Variants in WIPF1 observed in about 807,000 individuals in gnomAD.
WIPF1 encodes the protein WAS/WASL interacting protein family member 1.
WIPF1 carries 13 observed loss-of-function variants against 35.4 expected under a neutral mutation model. The ratio of observed to expected loss-of-function variants is 0.37; its 90% CI spans 0.24 to 0.58. WIPF1 has a LOEUF of 0.58. Ranked by LOEUF, WIPF1 falls within the 20% of genes least tolerant of loss-of-function variation. WIPF1 has a pLI of 0.74. For synonymous variants in WIPF1, 267 were observed against 266.3 expected (o/e 1.00, Z -0.02); for missense variants, 591 against 667.0 (o/e 0.89, Z 1.25).
chr2:174,682,822 T>C (rs919859697), exon 1 of WIPF1: 4 of 151,686 alleles, frequency 2.6e-5, no homozygotes, highest in African/African-American at 7.2e-5. Flanking sequence ...CGCTGGGCAT[T>C]TTTTCTGGGA....
intron 3 of WIPF1, among the ~76,000 whole-genome samples, chr2:174,577,304 C>T (rs897820824): frequency 2.1e-4 from 32 of 152,164 alleles, no homozygotes; most frequent in African/African-American, 6.5e-4. Flanking sequence ...AAAGCCTCCT[C>T]TTCTCTAAGA....
At chr2:174,634,867 C>T (rs564702531) in intron 1 of WIPF1, among the ~76,000 whole-genome samples, 312 of 152,272 alleles carry the variant, frequency 2.0e-3, no homozygotes, top group African/African-American at 7.3e-3. Flanking sequence ...GCCCCAGGGT[C>T]ACCTATCTTG....
intron 1 of WIPF1, among the ~76,000 whole-genome samples, chr2:174,657,557 T>A (rs773588032): frequency 2.0e-5 from 3 of 151,964 alleles, no homozygotes; most frequent in Non-Finnish European, 4.4e-5. Flanking sequence ...AAACTGAACA[T>A]GAACTCCTTT....
intron 1 of WIPF1, among the ~76,000 whole-genome samples, chr2:174,593,668 T>C (rs1207861273): frequency 6.6e-6 from 1 of 152,234 alleles, no homozygotes; most frequent in Non-Finnish European, 1.5e-5. Context: ...GGAAAATTGA[T>C]GCTCGCAGTA....
At chr2:174,660,154 T>C (rs1687727069) in intron 1 of WIPF1, among the ~76,000 whole-genome samples, 1 of 152,192 alleles carries the variant, frequency 6.6e-6, no homozygotes, top group Admixed American at 6.5e-5. Flanking sequence ...TTAGTAAAAT[T>C]AGGCCATTCT....
intron 1 of WIPF1, among the ~76,000 whole-genome samples, chr2:174,666,277 C>T (rs1242195862): frequency 6.6e-6 from 1 of 152,202 alleles, no homozygotes. Context: ...AACAAACAAA[C>T]AAAAATTTAA....
At chr2:174,587,713 TAGACTC>T (rs1685469954) in intron 1 of WIPF1, 1 of 152,254 alleles carries the variant, frequency 6.6e-6, no homozygotes, top group African/African-American at 2.4e-5. Flanking sequence ...GCTCATTTGA[TAGACTC>T]AGAGAAATTA....
At chr2:174,600,025 G>A (rs183637221), upstream of WIPF1, among the ~76,000 whole-genome samples, 1 of 152,302 alleles carries the variant, frequency 6.6e-6, no homozygotes, top group African/African-American at 2.4e-5. Context: ...TAAGGAGCTC[G>A]CATGCACAGT....
chr2:174,654,230 C>T (rs1316970750), intron 1 of WIPF1, among the ~76,000 whole-genome samples: 1 of 152,112 alleles, frequency 6.6e-6, no homozygotes, highest in African/African-American at 2.4e-5. Flanking sequence ...GCTCTCTCTC[C>T]ATTCTCTGAG....
chr2:174,643,972 G>C (rs1227064359), intron 1 of WIPF1, among the ~76,000 whole-genome samples: 1 of 152,064 alleles, frequency 6.6e-6, no homozygotes, highest in East Asian at 1.9e-4. Context: ...ATGGTATATA[G>C]CTAGATTATC....
chr2:174,627,747 CG>C (rs1686893545), intron 1 of WIPF1, among the ~76,000 whole-genome samples: 2 of 151,866 alleles, frequency 1.3e-5, no homozygotes, highest in African/African-American at 4.8e-5. Flanking sequence ...GGTCTTCCTA[CG>C]TTGCCCAGGC....
chr2:174,634,607 T>C (rs1037276200), intron 1 of WIPF1: 12 of 152,244 alleles, frequency 7.9e-5, no homozygotes, highest in Non-Finnish European at 1.5e-4. Flanking sequence ...GCATGTGACA[T>C]TATACTTCCT....
chr2:174,682,401 G>A (rs1004550299), intron 1 of WIPF1, among the ~76,000 whole-genome samples: 5 of 152,162 alleles, frequency 3.3e-5, no homozygotes, highest in African/African-American at 1.2e-4. Context: ...GCATCGCCGC[G>A]AAGCCCCTGC....
At chr2:174,610,756 G>A (rs376460347) in intron 1 of WIPF1, among the ~76,000 whole-genome samples, 1 of 152,068 alleles carries the variant, frequency 6.6e-6, no homozygotes, top group South Asian at 2.1e-4. Flanking sequence ...AGAATAGCCC[G>A]ACATAACCTC....
chr2:174,634,245 G>C (rs1271836106), intron 1 of WIPF1, among the ~76,000 whole-genome samples: 1 of 152,200 alleles, frequency 6.6e-6, no homozygotes, highest in Non-Finnish European at 1.5e-5. Context: ...CACGAAATAA[G>C]TTATTTAAAG....
intron 1 of WIPF1, among the ~76,000 whole-genome samples, chr2:174,609,017 C>A (rs983407892): frequency 2.6e-5 from 4 of 151,946 alleles, no homozygotes; most frequent in African/African-American, 9.7e-5. Context: ...CCCTAGGGGC[C>A]CTCTGACTGC....
chr2:174,566,883 T>C (rs962967905), intron 7 of WIPF1, 187 bp downstream of exon 7: 5 of 548,500 alleles, frequency 9.1e-6, no homozygotes, highest in South Asian at 8.3e-5. Flanking sequence ...AATAACTGTT[T>C]CTCATATGCA....
chr2:174,605,775 A>C (rs1343996813), intron 1 of WIPF1, among the ~76,000 whole-genome samples: 1 of 152,160 alleles, frequency 6.6e-6, no homozygotes, highest in East Asian at 1.9e-4. Context: ...CTGGGTGAGG[A>C]GTACACAGCA....
chr2:174,668,590 G>T (rs1351285474), intron 1 of WIPF1, among the ~76,000 whole-genome samples: 2 of 152,176 alleles, frequency 1.3e-5, no homozygotes, highest in African/African-American at 4.8e-5. Flanking sequence ...GGGACATTTA[G>T]AATGTATGTC....
Sources: gnomAD v4.1 joint callset for allele counts (sites outside exome capture counted in the v4.1 genomes callset) on GRCh38, gnomAD v4.1.1 for gene constraint, MANE v1.5 for transcripts, NCBI Gene and HGNC (gene_info 2026-07-23, HGNC 2026-07-21) for gene names.